Variants in COL20A1 observed in about 807,000 individuals in gnomAD.
COL20A1 encodes the protein collagen type XX alpha 1 chain, also known as collagen alpha-1(XX) chain.
COL20A1 carries 164 observed loss-of-function variants against 152.9 expected under a neutral mutation model. That is an observed-to-expected ratio of 1.07 (90% CI 0.94 to 1.22). The LOEUF (loss-of-function observed/expected upper bound fraction) is 1.22. Among genes scored for constraint, COL20A1 ranks in the 50% most tolerant of loss-of-function variants. The pLI is 0.00. For synonymous variants in COL20A1, 864 were observed against 756.0 expected, an observed-to-expected ratio of 1.14 and a Z score of -2.34; for missense variants, 1,873 against 1,744.8, an observed-to-expected ratio of 1.07 and a Z score of -1.31.
At position 63,313,820 on chromosome 20, in the gene COL20A1, C is replaced by T. The variant is rs2068049136; in HGVS notation, c.2287C>T (p.Pro763Ser). The change falls in exon 18 of 36, where the codon CCC becomes TCC. Residue 763 changes from proline to serine, a missense_variant. By Grantham distance (74) the Pro-to-Ser change is moderately conservative (BLOSUM62 -1). Coordinates refer to ENST00000358894, the MANE Select transcript of COL20A1 (RefSeq NM_020882.4). This position sits in a 1 kb window ranked among gnomAD's most constrained non-coding sequence, Gnocchi z 5.9. ...TPDSLQVSWT[P>S]PLGRVLHYWL... Reference sequence around the variant, plus strand: ...CGACAGCCTGCAGGTCAGCTGGACGCCCCCGCTTGGCCGCGTGCTCCATTA... The same window carrying T: ...CGACAGCCTGCAGGTCAGCTGGACGTCCCCGCTTGGCCGCGTGCTCCATTA... 1.2e-6 allele frequency: 2 copies of T among 1,611,034 alleles called. No individual in the cohort carries two copies. The highest frequency in any genetic ancestry group is 1.7e-5 in the Admixed American group (1 of 59,836).
chr20:63,308,489 A>G, intron 7 of COL20A1, 53 bp from the exon 8 acceptor site: 2 of 1,473,734 alleles, frequency 1.4e-6, no homozygotes, highest in Non-Finnish European at 1.8e-6. Flanking sequence ...CCAGCCGAGC[A>G]CCAGGAGGGG....
At chr20:63,322,007 C>G (rs1439461434) in intron 26 of COL20A1, 51 bp from the exon 27 acceptor site, 1 of 1,468,818 alleles carries the variant, frequency 6.8e-7, no homozygotes, top group East Asian at 2.7e-5. Context: ...CTTTGCTCCT[C>G]TACCTTGGTT....
chr20:63,307,272 G>A (rs555803908), intron 5 of COL20A1, among the ~76,000 whole-genome samples: 439 of 152,354 alleles, frequency 2.9e-3, no homozygotes, highest in African/African-American at 0.01. Flanking sequence ...AGAGGTGCCC[G>A]AGCACCAGGC....
intron 3 of COL20A1, among the ~76,000 whole-genome samples, chr20:63,303,543 G>A (rs1431093772): frequency 6.6e-6 from 1 of 152,194 alleles, no homozygotes; most frequent in East Asian, 1.9e-4. Flanking sequence ...GTGTAATGGA[G>A]TTGTGAAGAT....
rs1166551306 is a variant in COL20A1, at chr20:63,306,992, A to AC, written c.497-496dup. ...CTTCGGTCGCCCCACGGGGGGCTCC[A>AC]CCGTGATGGCTGCTGGCCTCGTTCA... On this transcript the variant is annotated intron_variant, in intron 5 of 35. Transcript: ENST00000358894. The surrounding 1 kb of genome is among the most constrained non-coding windows in gnomAD (Gnocchi z 6.9). 6.6e-6 allele frequency among the ~76,000 whole-genome samples: 1 copy of AC among 152,170 alleles called. No homozygotes were observed.
rs2068120410 is a variant in COL20A1, at chr20:63,318,997, C to G, written c.2664-61C>G. 2.2e-6 allele frequency: 3 copies of G among 1,393,730 alleles called. No individual in the cohort carries two copies. The South Asian group carries it at 3.6e-5, about 17-fold the overall frequency. The allele number at this position is 1,393,730 out of a possible 1,614,324, so 86.3% of individuals were successfully genotyped here. A position where few individuals can be genotyped will look rare whatever the true frequency, so the allele number is the denominator to read the frequency against. On this transcript the variant is annotated intron_variant, in intron 21 of 35. Transcript: ENST00000358894. The stretch of plus-strand genomic sequence containing the variant: ...GCTGGGGCTGGGCGAGCGGATCGTT[C>G]TGCCAGGTTTGGCTGCCCTTGGGTC...
At position 63,321,052 on chromosome 20, in the gene COL20A1, TC is replaced by T. The variant is rs2087076457; in HGVS notation, c.3195del (p.Cys1066ValfsTer71). 15 of 1,602,432 alleles carry T rather than the reference TC, an allele frequency of 9.4e-6. No individual in the cohort carries two copies. Among genetic ancestry groups the T allele is most frequent in the African/African-American group, 2.7e-5 (2 of 74,738 alleles). On this transcript the variant is annotated frameshift_variant, in exon 26 of 36. Coordinates refer to ENST00000358894, the MANE Select transcript of COL20A1 (RefSeq NM_020882.4). LOFTEE classifies it high-confidence loss of function. ...ETCPAFVSAC[S>X]CSSETPGPPG... ...CTGCCCCGCCTTCGTGTCTGCCTGT[TC>T]CTGTTCCTCAGAGACCCCTGGGCCC...
intron 3 of COL20A1, among the ~76,000 whole-genome samples, chr20:63,304,346 C>T (rs111174526): frequency 2.5e-4 from 6 of 23,844 alleles, no homozygotes; most frequent in Admixed American, 1.1e-3. Flanking sequence ...CCTGCAGGTG[C>T]GCAGGTGTGG....
Position 63,307,857 on chromosome 20 carries a change from G to T in COL20A1, c.656-114G>T. On this transcript the variant is annotated intron_variant, in intron 6 of 35. Transcript: ENST00000358894. ...GTCCTCTCCCTGGGGACTGGCTACT[G>T]TGGCCAGGTGACCCCACAGAGGCAC... The T allele has an allele frequency of 2.2e-6, 3 of 1,348,272 alleles. No homozygotes were observed. In the East Asian group the frequency reaches 7.5e-5, roughly 34 times the overall value. 83.5% of individuals were successfully genotyped at this position (1,348,272 alleles called of 1,614,324 possible). A position where few individuals can be genotyped will look rare whatever the true frequency, so the allele number is the denominator to read the frequency against.
intron 3 of COL20A1, among the ~76,000 whole-genome samples, chr20:63,299,399 A>G (rs2123375455): frequency 6.6e-6 from 1 of 152,348 alleles, no homozygotes; most frequent in Non-Finnish European, 1.5e-5. Flanking sequence ...AACGCTTGGC[A>G]GCCTGACTGG....
chr20:63,332,826 T>C lies in COL20A1; in HGVS notation c.*2110T>C, dbSNP rs983564268. On this transcript the variant is annotated 3_prime_UTR_variant, in exon 36 of 36. Coordinates refer to ENST00000358894, the MANE Select transcript of COL20A1 (RefSeq NM_020882.4). ...GGTGCCCAGGCAGCTTAGGGACTGGTCCCTGAGGCCCCACCCGCCCCAGCC... is the reference window on the plus strand; with the variant it reads ...GGTGCCCAGGCAGCTTAGGGACTGGCCCCTGAGGCCCCACCCGCCCCAGCC... The C allele has an allele frequency of 1.3e-5, 2 of 152,110 alleles. No individual in the cohort carries two copies. Among genetic ancestry groups the C allele is most frequent in the Admixed American group, 1.3e-4 (2 of 15,276 alleles). 9.4% of individuals were successfully genotyped at this position (152,110 alleles called of 1,614,324 possible).
chr20:63,305,691 G>A lies in COL20A1; in HGVS notation c.337+131G>A. ...GTGGGTATGTGTGAAGCAGTTCTGG[G>A]CTGTGCTAGGGGCAGGTTCAAGTCC... On this transcript the variant is annotated intron_variant, in intron 4 of 35. Transcript: ENST00000358894. This position sits in a 1 kb window ranked among gnomAD's most constrained non-coding sequence, Gnocchi z 4.9. 8.4e-7 allele frequency: 1 copy of A among 1,196,978 alleles called. No individual in the cohort carries two copies. Among genetic ancestry groups the A allele is most frequent in the Non-Finnish European group, 1.2e-6 (1 of 863,264 alleles). The allele number at this position is 1,196,978 out of a possible 1,614,324, so 74.1% of individuals were successfully genotyped here. A position where few individuals can be genotyped will look rare whatever the true frequency, so the allele number is the denominator to read the frequency against.
intron 1 of COL20A1, 40 bp from the exon 2 acceptor site, chr20:63,295,058 G>C (rs755917680): frequency 1.3e-5 from 17 of 1,337,188 alleles, no homozygotes; most frequent in Non-Finnish European, 1.2e-5. Context: ...GAGGACAGAC[G>C]GGGGGACGGC....
intron 32 of COL20A1, 30 bp from the exon 33 acceptor site, chr20:63,328,049 G>A: frequency 2.5e-6 from 4 of 1,613,412 alleles, no homozygotes; most frequent in Non-Finnish European, 3.4e-6. Context: ...TGCCACACGG[G>A]TCCCAAAGCT....
chr20:63,312,187 C>G, intron 14 of COL20A1, 132 bp downstream of exon 14: 1 of 1,214,372 alleles, frequency 8.2e-7, no homozygotes, highest in Non-Finnish European at 1.1e-6. Context: ...AGCGGGGGCA[C>G]CTGGTGTGGG....
chr20:63,311,478 C>T lies in COL20A1; in HGVS notation c.1478C>T (p.Ala493Val), dbSNP rs1463046130. 2 of 1,577,106 alleles carry T rather than the reference C, an allele frequency of 1.3e-6. No homozygotes were observed. Among genetic ancestry groups the T allele is most frequent in the East Asian group, 2.3e-5 (1 of 43,156 alleles). Residue 493 changes from alanine (A) to valine (V), a missense_variant, in exon 12 of 36, where the codon GCC (alanine) becomes GTC (valine). By Grantham distance (64) the Ala-to-Val change is moderately conservative. Transcript: ENST00000358894. This position sits in a 1 kb window ranked among gnomAD's most constrained non-coding sequence, Gnocchi z 4.4. ...CTCACCTGGCAGCCCTCGGCCGGGG[C>T]CACCCACTACCTGGTGCGATGTTCT... ...VHLTWQPSAG[A>V]THYLVRCSPA...
intron 27 of COL20A1, among the ~76,000 whole-genome samples, chr20:63,323,411 T>TA: frequency 6.6e-6 from 1 of 152,360 alleles, no homozygotes; most frequent in Non-Finnish European, 1.5e-5. Flanking sequence ...TATCCTGTTT[T>TA]AAAAGATCTT....
At chr20:63,325,777 C>A in intron 29 of COL20A1, 56 bp downstream of exon 29, 3 of 1,509,842 alleles carry the variant, frequency 2.0e-6, no homozygotes, top group Non-Finnish European at 2.7e-6. Flanking sequence ...GGCCTGGGGA[C>A]GGGGGGCCTT....
chr20:63,302,885 T>C (rs1399803250), intron 3 of COL20A1, among the ~76,000 whole-genome samples: 1 of 152,220 alleles, frequency 6.6e-6, no homozygotes, highest in Admixed American at 6.5e-5. Context: ...GGCAGTTACA[T>C]CCTGGAAGTT....
Sources: allele counts gnomAD v4.1 joint callset (sites outside exome capture counted in the v4.1 genomes callset), GRCh38; gene constraint gnomAD v4.1.1; non-coding constraint Gnocchi (gnomAD v3.1); transcripts MANE v1.5; gene names NCBI Gene and HGNC (gene_info 2026-07-23, HGNC 2026-07-21).